Variants in HECW1 observed in about 807,000 individuals in gnomAD.
HECW1 encodes the protein HECT, C2 and WW domain containing E3 ubiquitin protein ligase 1.
A neutral mutation model predicts 182.3 loss-of-function variants in HECW1; 61 were observed. The ratio of observed to expected loss-of-function variants is 0.33; its 90% confidence interval spans 0.27 to 0.41. The LOEUF (loss-of-function observed/expected upper bound fraction) is 0.41. Ranked by LOEUF, HECW1 falls within the 10% of genes least tolerant of loss-of-function variation. The pLI, the probability that HECW1 is intolerant of heterozygous loss-of-function variation, is 1.00. For synonymous variants in HECW1, 859 were observed against 832.6 expected, an observed-to-expected ratio of 1.03 and a Z score of -0.55; for missense variants, 1,739 against 2,108.9, an observed-to-expected ratio of 0.82 and a Z score of 3.44.
At chr7:43,232,856 G>C (rs1310160090) in intron 2 of HECW1, among the ~76,000 whole-genome samples, 1 of 152,150 alleles carries the variant, frequency 6.6e-6, no homozygotes, top group Non-Finnish European at 1.5e-5. Flanking sequence ...GCCAATAATC[G>C]TCCTTTAACC....
At chr7:43,427,514 A>G (rs894836117) in intron 8 of HECW1, among the ~76,000 whole-genome samples, 1 of 152,220 alleles carries the variant, frequency 6.6e-6, no homozygotes, top group Non-Finnish European at 1.5e-5. Context: ...TGTTCAAAGT[A>G]TATCTCTATT....
intron 2 of HECW1, among the ~76,000 whole-genome samples, chr7:43,240,230 C>T (rs916545846): frequency 2.0e-5 from 3 of 151,930 alleles, no homozygotes; most frequent in East Asian, 1.9e-4. Flanking sequence ...CCTAGCTACT[C>T]GGGAGGCTGA....
rs565635518 is a variant in HECW1 at position 43,330,872 on chromosome 7, G to A, written c.460+10130G>A. ...GTGAGTCTGCACTGATAAAGAAGAG[G>A]CCAGGGGAATACAGCAGTCCTGTGG... On this transcript the variant is annotated intron_variant, in intron 5 of 29. Transcript: ENST00000395891. 1.2e-4 allele frequency among the ~76,000 whole-genome samples: 19 copies of A among 152,292 alleles called. No homozygotes were observed. The South Asian group carries it at 2.9e-3, about 23-fold the overall frequency.
At chr7:43,558,512 G>A (rs1031373474) in intron 29 of HECW1, among the ~76,000 whole-genome samples, 1 of 152,196 alleles carries the variant, frequency 6.6e-6, no homozygotes, top group African/African-American at 2.4e-5. Context: ...TCCCCCGCAA[G>A]AGGCAGTTGA....
chr7:43,438,425 A>G (rs747924810), intron 9 of HECW1: 26 of 227,412 alleles, frequency 1.1e-4, no homozygotes, highest in African/African-American at 1.6e-4. Context: ...GAAGCCCTCA[A>G]TGGGGCATTT....
intron 2 of HECW1, among the ~76,000 whole-genome samples, chr7:43,142,292 A>G (rs778764734): frequency 1.8e-4 from 27 of 152,154 alleles, no homozygotes; most frequent in Non-Finnish European, 3.2e-4. Flanking sequence ...TATTGCCTAA[A>G]ATCAGCACTT....
At chr7:43,223,284 C>T (rs1388261904) in intron 2 of HECW1, among the ~76,000 whole-genome samples, 1 of 152,190 alleles carries the variant, frequency 6.6e-6, no homozygotes, top group Non-Finnish European at 1.5e-5. Context: ...GTCTCTTGTG[C>T]TTGCTCTTGG....
At chr7:43,468,042 G>A (rs1335392850) in intron 15 of HECW1, among the ~76,000 whole-genome samples, 1 of 151,672 alleles carries the variant, frequency 6.6e-6, no homozygotes, top group African/African-American at 2.4e-5. Flanking sequence ...GCCAGTAGGT[G>A]CCACTGGCCC....
chr7:43,398,751 A>T (rs751600594), intron 7 of HECW1, among the ~76,000 whole-genome samples: 1 of 152,216 alleles, frequency 6.6e-6, no homozygotes, highest in Non-Finnish European at 1.5e-5. Context: ...TGTGCAGGAG[A>T]CCAGAGTTTT....
chr7:43,468,054 AC>A (rs932620442), intron 15 of HECW1, among the ~76,000 whole-genome samples: 1 of 149,262 alleles, frequency 6.7e-6, no homozygotes, highest in African/African-American at 2.5e-5. Flanking sequence ...CACTGGCCCA[AC>A]CCCCCGTCTA....
At chr7:43,206,448 C>T (rs553801432) in intron 2 of HECW1, among the ~76,000 whole-genome samples, 81 of 152,284 alleles carry the variant, frequency 5.3e-4, no homozygotes, top group Middle Eastern at 3.4e-3. Context: ...TTGGATCAAA[C>T]ATATTTTGTT....
chr7:43,249,021 T>C (rs1319376145), intron 3 of HECW1: 1 of 152,326 alleles, frequency 6.6e-6, no homozygotes, highest in Admixed American at 6.5e-5. Flanking sequence ...AGCTGAGTCA[T>C]GCCCTTGGCA....
intron 5 of HECW1, among the ~76,000 whole-genome samples, chr7:43,346,134 C>T (rs1298869585): frequency 1.3e-5 from 2 of 152,138 alleles, no homozygotes; most frequent in Non-Finnish European, 2.9e-5. Context: ...GTTCCCTGTT[C>T]ACCACATCCA....
intron 2 of HECW1, among the ~76,000 whole-genome samples, chr7:43,217,222 C>A (rs1796525598): frequency 6.6e-6 from 1 of 152,148 alleles, no homozygotes; most frequent in Non-Finnish European, 1.5e-5. Context: ...ACTCACTTAC[C>A]TTTCTCATCT....
At chr7:43,247,161 T>C (rs1799450572) in intron 3 of HECW1, among the ~76,000 whole-genome samples, 1 of 152,338 alleles carries the variant, frequency 6.6e-6, no homozygotes, top group East Asian at 1.9e-4. Context: ...CTGTTTTGAC[T>C]ACAATGCCAA....
Position 43,121,198 on chromosome 7 carries a change from AC to A in HECW1, c.-32+6810del, listed in dbSNP as rs1374263683. The stretch of plus-strand genomic sequence containing the variant: ...TTGAGCTTGTCTTTGCTTCCTCAGC[AC>A]CCAGCAAGTAGACCCGGCAACTCAA... On this transcript the variant is annotated intron_variant, in intron 2 of 29. Transcript: ENST00000395891. Among the ~76,000 whole-genome samples, 3 of 152,052 alleles carry A rather than the reference AC, an allele frequency of 2.0e-5. 1 individual carries two copies. Among genetic ancestry groups the A allele is most frequent in the South Asian group, 4.2e-4 (2 of 4,816 alleles).
At chr7:43,222,171 G>A (rs994961720) in intron 2 of HECW1, among the ~76,000 whole-genome samples, 5 of 152,192 alleles carry the variant, frequency 3.3e-5, no homozygotes, top group Admixed American at 1.3e-4. Flanking sequence ...CCCAGGCTTC[G>A]GTACTTAGTA....
intron 2 of HECW1, among the ~76,000 whole-genome samples, chr7:43,121,443 C>T (rs1785601663): frequency 6.6e-6 from 1 of 152,172 alleles, no homozygotes; most frequent in Admixed American, 6.5e-5. Flanking sequence ...CCCATGCACT[C>T]TTTTGACCCT....
At chr7:43,551,582 T>C (rs537332385) in intron 27 of HECW1, among the ~76,000 whole-genome samples, 1 of 152,356 alleles carries the variant, frequency 6.6e-6, no homozygotes, top group South Asian at 2.1e-4. Context: ...CAATATTATT[T>C]GAAAACTTCA....
Sources: gnomAD v4.1 joint callset for allele counts (sites outside exome capture counted in the v4.1 genomes callset) on GRCh38, gnomAD v4.1.1 for gene constraint, MANE v1.5 for transcripts, NCBI Gene and HGNC (gene_info 2026-07-23, HGNC 2026-07-21) for gene names.